LCOR: variants seen among roughly 807,000 people sequenced by gnomAD.
LCOR encodes ligand dependent nuclear receptor corepressor.
In LCOR, 14 loss-of-function variants were observed where a neutral mutation model predicts 64.4. The ratio of observed to expected loss-of-function variants is 0.22; its 90% CI spans 0.14 to 0.34. The LOEUF is 0.34. LCOR is among the 10% of genes least tolerant of loss of function. The pLI, the probability that LCOR is intolerant of heterozygous loss-of-function variation, is 1.00. For missense variants in LCOR, 1,686 were observed against 1,765.3 expected (o/e 0.96, Z 0.80); for synonymous variants, 643 against 642.5 (o/e 1.00, Z -0.01).
At chr10:96,930,705 G>C (rs1395641704) in intron 4 of LCOR, among the ~76,000 whole-genome samples, 1 of 152,180 alleles carries the variant, frequency 6.6e-6, no homozygotes, top group Non-Finnish European at 1.5e-5. Context: ...CAATGTGATA[G>C]TATTAAGAGG....
intron 4 of LCOR, among the ~76,000 whole-genome samples, chr10:96,931,215 C>T (rs1014823992): frequency 6.6e-6 from 1 of 151,308 alleles, no homozygotes; most frequent in Non-Finnish European, 1.5e-5. Context: ...GATGGTGACA[C>T]CACAAAGCAC....
chr10:96,888,905 C>T (rs1242458134), intron 2 of LCOR, among the ~76,000 whole-genome samples: 2 of 152,202 alleles, frequency 1.3e-5, no homozygotes, highest in Non-Finnish European at 2.9e-5. Context: ...TAAATGGAAT[C>T]ATACACTGTG....
At chr10:96,905,228 C>T (rs145881620) in intron 2 of LCOR, among the ~76,000 whole-genome samples, 2 of 152,006 alleles carry the variant, frequency 1.3e-5, no homozygotes, top group African/African-American at 4.8e-5. Flanking sequence ...GGCATTATTT[C>T]TTGCTATATT....
At chr10:96,940,912 C>T (rs1207977664) in intron 4 of LCOR, among the ~76,000 whole-genome samples, 2 of 151,396 alleles carry the variant, frequency 1.3e-5, no homozygotes, top group African/African-American at 2.4e-5. Flanking sequence ...GTGCCCCCCA[C>T]CTCCCGGATG....
intron 7 of LCOR, chr10:96,961,273 G>C (rs1386362013): frequency 6.6e-6 from 1 of 152,022 alleles, no homozygotes; most frequent in Non-Finnish European, 1.5e-5. Context: ...TAATTTTATG[G>C]TTTCCAGTTC....
At chr10:96,875,965 G>A (rs539330732) in intron 2 of LCOR, among the ~76,000 whole-genome samples, 52 of 150,830 alleles carry the variant, frequency 3.4e-4, no homozygotes, top group African/African-American at 1.2e-3. Context: ...GTAAAAGACC[G>A]ACTTATAAAT....
chr10:96,979,567 G>C (rs760652042), intron 7 of LCOR, among the ~76,000 whole-genome samples: 5 of 152,170 alleles, frequency 3.3e-5, no homozygotes, highest in South Asian at 2.1e-4. Context: ...ATGATTTCTT[G>C]TGGTTGATTG....
In LCOR at chr10:96,983,395, C is replaced by G. The variant is rs781292191; in HGVS notation, c.2935C>G (p.Pro979Ala). Residue 979 changes from proline to alanine, a missense_variant, in exon 8 of 8, where the codon CCA (proline) becomes GCA (alanine). Pro to Ala is a conservative substitution (Grantham distance 27). Coordinates refer to ENST00000421806, the MANE Select transcript of LCOR (RefSeq NM_001346516.2). This position sits in a 1 kb window ranked among gnomAD's most constrained non-coding sequence, Gnocchi z 4.5. ...GGACCCAGAACAGGCAAAAGAAGAG[C>G]CAGGGCATATTCCCACACAGCATGT... ...KRDPEQAKEE[P>A]GHIPTQHVEE... 11 of 1,614,016 alleles carry G rather than the reference C, an allele frequency of 6.8e-6. No individual in the cohort carries two copies. Among genetic ancestry groups the G allele is most frequent in the Non-Finnish European group, 9.3e-6 (11 of 1,180,048 alleles).
intron 4 of LCOR, among the ~76,000 whole-genome samples, chr10:96,924,976 T>C (rs1447341234): frequency 6.6e-6 from 1 of 152,172 alleles, no homozygotes; most frequent in African/African-American, 2.4e-5. Flanking sequence ...TTAGCATCAC[T>C]CATTAAATTT....
intron 2 of LCOR, among the ~76,000 whole-genome samples, chr10:96,855,985 C>G (rs896198007): frequency 2.0e-5 from 3 of 151,916 alleles, no homozygotes; most frequent in South Asian, 2.1e-4. Flanking sequence ...CTCAGGTGAT[C>G]CGCCTGCCTC....
At chr10:96,895,603 C>T (rs994086594) in intron 2 of LCOR, among the ~76,000 whole-genome samples, 2 of 152,196 alleles carry the variant, frequency 1.3e-5, no homozygotes, top group Admixed American at 1.3e-4. Context: ...GTCTCCTCAC[C>T]GTGGACTGTA....
At chr10:96,970,621 T>TTTA (rs1159270626) in intron 7 of LCOR, among the ~76,000 whole-genome samples, 1 of 143,686 alleles carries the variant, frequency 7.0e-6, no homozygotes, top group East Asian at 2.0e-4. Flanking sequence ...TTTATTTTAT[T>TTTA]TTATTTATTT....
At chr10:96,900,866 CT>C (rs139940073) in intron 2 of LCOR, among the ~76,000 whole-genome samples, 7,936 of 141,198 alleles carry the variant, frequency 0.056, 604 homozygotes, top group African/African-American at 0.18. Flanking sequence ...GCTTCGTAGG[CT>C]TTTTTTTTTT....
At chr10:96,871,916 A>G (rs1846078725) in intron 2 of LCOR, among the ~76,000 whole-genome samples, 1 of 152,216 alleles carries the variant, frequency 6.6e-6, no homozygotes, top group Admixed American at 6.5e-5. Context: ...TGAAGTCACA[A>G]TATCTGCCAC....
At position 96,981,248 on chromosome 10, in the gene LCOR, T is replaced by G; in HGVS notation, c.788T>G (p.Val263Gly). The change falls in exon 8 of 8, where the codon GTG (valine) becomes GGG (glycine). Residue 263 changes from valine to glycine, a missense_variant. Around this residue, in one of 3 missense-constraint regions of LCOR, gnomAD observed 313 missense variants for 247.2 expected, o/e 1.27. Transcript: ENST00000421806. The stretch of plus-strand genomic sequence containing the variant: ...TCGAATTCTATTAATAGCAGTTCAG[T>G]GGATAGTTTCACTCCGGGATACCTC... Reference protein sequence around the residue: ...TKSNSINSSSVDSFTPGYLTA... With the variant: ...TKSNSINSSSGDSFTPGYLTA... The G allele has an allele frequency of 2.1e-6, 2 of 953,538 alleles. No homozygotes were observed. The highest frequency in any genetic ancestry group is 3.3e-6 in the Non-Finnish European group (2 of 604,516). The allele number at this position is 953,538 out of a possible 1,614,324, so 59.1% of individuals were successfully genotyped here. A position where few individuals can be genotyped will look rare whatever the true frequency, so the allele number is the denominator to read the frequency against.
chr10:96,918,894 C>A (rs897961592), intron 4 of LCOR, among the ~76,000 whole-genome samples: 1 of 152,224 alleles, frequency 6.6e-6, no homozygotes, highest in Non-Finnish European at 1.5e-5. Flanking sequence ...AACTGTACTT[C>A]TCTCATCTGC....
In LCOR at chr10:96,881,737, G is replaced by A. The variant is rs1022115858; in HGVS notation, c.-329-25528G>A. ...CTCCCAAAGTGTTGGTATTACAGGC[G>A]TGAGCCACCATGCCCAGCCAAAGCA... On this transcript the variant is annotated intron_variant, in intron 2 of 7. Transcript: ENST00000421806. Among the ~76,000 whole-genome samples, 10 of 152,254 alleles carry A rather than the reference G, an allele frequency of 6.6e-5. No homozygotes were observed. In the East Asian group the frequency reaches 1.5e-3, roughly 23 times the overall value.
In LCOR at chr10:96,982,343, A is replaced by T; in HGVS notation, c.1883A>T (p.Asp628Val). Reference sequence around the variant, plus strand: ...CTCCCTGCTCACCTTCCTGAAGAGGACCTGCCAGAAGGTGGCTCCACAGTC... The same window carrying T: ...CTCCCTGCTCACCTTCCTGAAGAGGTCCTGCCAGAAGGTGGCTCCACAGTC... ...WPLPAHLPEE[D>V]LPEGGSTVSA... Residue 628 changes from aspartate (D) to valine (V), a missense_variant, in exon 8 of 8, where the codon GAC becomes GTC. By Grantham distance (152) the Asp-to-Val change is radical. This residue lies in a region of LCOR where 1,293 missense variants were observed against 1,410.4 expected (regional missense o/e 0.92). Coordinates refer to ENST00000421806, the MANE Select transcript of LCOR (RefSeq NM_001346516.2). 3.7e-6 allele frequency: 6 copies of T among 1,614,166 alleles called. No individual in the cohort carries two copies. The highest frequency in any genetic ancestry group is 5.1e-6 in the Non-Finnish European group (6 of 1,180,022).
intron 7 of LCOR, among the ~76,000 whole-genome samples, chr10:96,966,276 T>C (rs890400044): frequency 2.8e-5 from 4 of 144,462 alleles, no homozygotes; most frequent in Non-Finnish European, 6.0e-5. Flanking sequence ...TCTCCCAGGT[T>C]GGAGTGCAGT....
Sources: allele counts gnomAD v4.1 joint callset (sites outside exome capture counted in the v4.1 genomes callset), GRCh38; gene constraint gnomAD v4.1.1; regional missense constraint gnomAD v4.1.1; non-coding constraint Gnocchi (gnomAD v3.1); transcripts MANE v1.5; gene names NCBI Gene and HGNC (gene_info 2026-07-23, HGNC 2026-07-21).